The following TMC3 variants were observed in gnomAD, a reference collection of about 807,000 sequenced individuals.
TMC3 encodes transmembrane channel like 3.
TMC3 carries 98 observed loss-of-function variants against 110.6 expected under a neutral mutation model. The observed-to-expected ratio is 0.89, with a 90% confidence interval of 0.75 to 1.05. TMC3 has a LOEUF of 1.05. Among genes scored for constraint, TMC3 ranks in the 50% least tolerant of loss-of-function variants. The probability of loss-of-function intolerance (pLI) is 0.00; values close to 1 mark genes in which losing one functional copy is unlikely to be tolerated. For missense variants in TMC3, 1,319 were observed against 1,373.2 expected (o/e 0.96, Z 0.62); for synonymous variants, 489 against 513.1 (o/e 0.95, Z 0.63).
chr15:81,332,796 C>T lies in TMC3; in HGVS notation c.2926G>A (p.Glu976Lys), dbSNP rs939448203. 1.9e-6 allele frequency: 3 copies of T among 1,611,168 alleles called. No individual in the cohort carries two copies. Among genetic ancestry groups the T allele is most frequent in the Non-Finnish European group, 2.5e-6 (3 of 1,178,648 alleles). The change falls in exon 22 of 22, where the codon GAG (glutamate) becomes AAG (lysine). Residue 976 changes from glutamate (E) to lysine (K), a missense_variant. Coordinates refer to ENST00000359440, the MANE Select transcript of TMC3 (RefSeq NM_001080532.3). ...TCCCGGGTCTGACTTTCGGACCTCT[C>T]CCCAATATAAAAATGAGGAGCCCGA... ...LRRAPHFYIG[E>K]RSESQTRDPE...
intron 18 of TMC3, 111 bp from the exon 19 acceptor site, chr15:81,338,035 C>T (rs1419669945): frequency 9.6e-6 from 8 of 832,040 alleles, no homozygotes; most frequent in South Asian, 7.2e-5. Flanking sequence ...AGGCCAGATG[C>T]GGGCTATCCA....
intron 3 of TMC3, among the ~76,000 whole-genome samples, chr15:81,364,682 T>TAATA (rs1555429374): frequency 3.9e-4 from 37 of 95,040 alleles, no homozygotes; most frequent in African/African-American, 2.0e-3. Flanking sequence ...TAAAGTATAA[T>TAATA]AAAAAAAAAC....
intron 2 of TMC3, among the ~76,000 whole-genome samples, chr15:81,368,927 T>C (rs1434822618): frequency 3.9e-5 from 6 of 152,088 alleles, no homozygotes; most frequent in African/African-American, 1.5e-4. Flanking sequence ...ATAATTGGGA[T>C]AGACAGTTAA....
At chr15:81,358,837 C>T (rs56382945) in intron 5 of TMC3, among the ~76,000 whole-genome samples, 10,428 of 151,972 alleles carry the variant, frequency 0.069, 376 homozygotes, top group African/African-American at 0.09. Flanking sequence ...GTAAGGGGCA[C>T]GAGTGCGGTT....
At chr15:81,338,533 G>A in intron 18 of TMC3, 122 bp downstream of exon 18, 4 of 1,322,914 alleles carry the variant, frequency 3.0e-6, no homozygotes, top group Non-Finnish European at 4.1e-6. Context: ...GAGATCATCA[G>A]GCTCTAAGCC....
At chr15:81,373,891 G>A in intron 1 of TMC3, 98 bp downstream of exon 1, 1 of 1,140,288 alleles carries the variant, frequency 8.8e-7, no homozygotes, top group Non-Finnish European at 1.3e-6. Context: ...AAGGACAACT[G>A]AGCAGGACAG....
chr15:81,344,147 G>A lies in TMC3; in HGVS notation c.1519-102C>T. Reference sequence around the variant, plus strand: ...TCTCTGTTCATTCTTGTGGGCCCCAGCCAGTGGGCCCCTCCAATGGCATCT... The same window carrying A: ...TCTCTGTTCATTCTTGTGGGCCCCAACCAGTGGGCCCCTCCAATGGCATCT... On this transcript the variant is annotated intron_variant, in intron 13 of 21. Transcript: ENST00000359440. 3.2e-6 allele frequency: 4 copies of A among 1,268,866 alleles called. No homozygotes were observed. The East Asian group carries it at 7.7e-5, about 24-fold the overall frequency. The allele number at this position is 1,268,866 out of a possible 1,614,324, so 78.6% of individuals were successfully genotyped here. A position where few individuals can be genotyped will look rare whatever the true frequency, so the allele number is the denominator to read the frequency against.
In TMC3 at chr15:81,362,220, T is replaced by A; in HGVS notation, c.394A>T (p.Ser132Cys). The change falls in exon 4 of 22, where the codon AGT becomes TGT. Residue 132 changes from serine to cysteine, a missense_variant and splice_region_variant. Transcript: ENST00000359440. The stretch of plus-strand genomic sequence containing the variant: ...CCACTCTCCAGGTGTAAATACTTAC[T>A]CTCGATTTTCTTTATCCTCATTTCC... ...PWEMRIKKIE[S>C]HFGSGVASYF... is the part of the protein sequence containing the mutation. 1 of 1,606,254 alleles carries A rather than the reference T, an allele frequency of 6.2e-7. No individual in the cohort carries two copies. Among genetic ancestry groups the A allele is most frequent in the Non-Finnish European group, 8.5e-7 (1 of 1,175,942 alleles).
intron 3 of TMC3, among the ~76,000 whole-genome samples, chr15:81,366,344 AG>A (rs1361789414): frequency 6.6e-6 from 1 of 152,196 alleles, no homozygotes; most frequent in African/African-American, 2.4e-5. Flanking sequence ...GCTTTCTAAA[AG>A]GGGAGAACAG....
intron 3 of TMC3, among the ~76,000 whole-genome samples, chr15:81,363,228 G>A (rs1199159875): frequency 6.6e-6 from 1 of 151,238 alleles, no homozygotes; most frequent in Non-Finnish European, 1.5e-5. Context: ...TGCAGCCTGG[G>A]GGACAGAGTG....
chr15:81,353,087 G>T (rs1893985836), intron 9 of TMC3, among the ~76,000 whole-genome samples: 1 of 152,142 alleles, frequency 6.6e-6, no homozygotes, highest in Non-Finnish European at 1.5e-5. Flanking sequence ...CTCCCAAAGT[G>T]CTGGGATTAC....
At chr15:81,356,086 T>C (rs979242899) in intron 8 of TMC3, among the ~76,000 whole-genome samples, 2 of 152,218 alleles carry the variant, frequency 1.3e-5, no homozygotes, top group Non-Finnish European at 2.9e-5. Context: ...GATTGCATTA[T>C]TTTCTAAGTT....
intron 3 of TMC3, among the ~76,000 whole-genome samples, chr15:81,363,266 A>T (rs68069968): frequency 0.1 from 15,577 of 148,990 alleles, 974 homozygotes; most frequent in Non-Finnish European, 0.15. Context: ...AAAAAAAAAA[A>T]TTGTCTTATG....
Position 81,349,516 on chromosome 15 carries a change from G to A in TMC3, c.1135C>T (p.Leu379Phe). ...TGGTACATCTCTAAGGCAGCAATGA[G>A]GTCAAAGGCTGATGGTGCTATCATG... ...VTMIAPSAFD[L>F]IAALEMYHPR... Residue 379 changes from leucine to phenylalanine, a missense_variant, in exon 11 of 22, where the codon CTC (leucine) becomes TTC (phenylalanine). Coordinates refer to ENST00000359440, the MANE Select transcript of TMC3 (RefSeq NM_001080532.3). 2 of 1,563,332 alleles carry A rather than the reference G, an allele frequency of 1.3e-6. No individual in the cohort carries two copies. Among genetic ancestry groups the A allele is most frequent in the South Asian group, 2.4e-5 (2 of 84,226 alleles).
At chr15:81,355,669 C>G in intron 9 of TMC3, 56 bp downstream of exon 9, 1 of 1,201,422 alleles carries the variant, frequency 8.3e-7, no homozygotes, top group Non-Finnish European at 1.2e-6. Context: ...AGTTTTTGTA[C>G]CAAACTAAAA....
At chr15:81,339,969 T>C (rs1567061814) in intron 16 of TMC3, among the ~76,000 whole-genome samples, 1 of 152,182 alleles carries the variant, frequency 6.6e-6, no homozygotes, top group Non-Finnish European at 1.5e-5. Flanking sequence ...CTCACTTGGG[T>C]GTGATTTGCA....
intron 20 of TMC3, among the ~76,000 whole-genome samples, chr15:81,335,256 T>C (rs1281838922): frequency 2.0e-5 from 3 of 152,224 alleles, no homozygotes; most frequent in Non-Finnish European, 4.4e-5. Flanking sequence ...ACTTAACAGC[T>C]TTGGGCCTCC....
At position 81,338,817 on chromosome 15, in the gene TMC3, C is replaced by A. The variant is rs774908768; in HGVS notation, c.1956-37G>T. 4 of 1,608,316 alleles carry A rather than the reference C, an allele frequency of 2.5e-6. No individual in the cohort carries two copies. In the South Asian group the frequency reaches 4.4e-5, roughly 18 times the overall value. On this transcript the variant is annotated intron_variant, in intron 17 of 21. Coordinates refer to ENST00000359440, the MANE Select transcript of TMC3 (RefSeq NM_001080532.3). ...AAAAACATAACTCCAGATTTTATTGCTCTTGGCAGAAAGATGCTGCAAGAC... is the reference window on the plus strand; with the variant it reads ...AAAAACATAACTCCAGATTTTATTGATCTTGGCAGAAAGATGCTGCAAGAC...
intron 12 of TMC3, among the ~76,000 whole-genome samples, chr15:81,345,842 A>T (rs1893816234): frequency 6.6e-6 from 1 of 151,788 alleles, no homozygotes; most frequent in East Asian, 1.9e-4. Context: ...GTGCCACTGC[A>T]CTCCAGCCTG....
Sources: gnomAD v4.1 joint callset for allele counts (sites outside exome capture counted in the v4.1 genomes callset) on GRCh38, gnomAD v4.1.1 for gene constraint, MANE v1.5 for transcripts, NCBI Gene and HGNC (gene_info 2026-07-23, HGNC 2026-07-21) for gene names.